Variants in DPYD observed in about 807,000 individuals in gnomAD.
DPYD encodes the protein dihydropyrimidine dehydrogenase [NADP(+)].
A neutral mutation model predicts 116.2 loss-of-function variants in DPYD; 109 were observed. The ratio of observed to expected loss-of-function variants is 0.94; its 90% CI spans 0.80 to 1.10. DPYD has a LOEUF of 1.10. Among genes scored for constraint, DPYD ranks in the 50% least tolerant of loss-of-function variants. The pLI, the probability that DPYD is intolerant of heterozygous loss-of-function variation, is 0.00. For synonymous variants in DPYD, 440 were observed against 432.0 expected (o/e 1.02, Z -0.23); for missense variants, 1,302 against 1,254.5 (o/e 1.04, Z -0.57).
At chr1:97,399,664 A>C (rs1310824578) in intron 14 of DPYD, among the ~76,000 whole-genome samples, 1 of 152,104 alleles carries the variant, frequency 6.6e-6, no homozygotes, top group Non-Finnish European at 1.5e-5. Flanking sequence ...GGTCCTTCAC[A>C]TCCCTTGTAA....
At chr1:97,613,850 C>G (rs1407217265) in intron 8 of DPYD, among the ~76,000 whole-genome samples, 4 of 151,922 alleles carry the variant, frequency 2.6e-5, no homozygotes, top group Non-Finnish European at 5.9e-5. Context: ...ATAAAAGTAG[C>G]AGTTCTACCA....
intron 11 of DPYD, among the ~76,000 whole-genome samples, chr1:97,560,919 C>A (rs1652099227): frequency 6.6e-6 from 1 of 151,950 alleles, no homozygotes; most frequent in East Asian, 1.9e-4. Flanking sequence ...TTCCAAGAAG[C>A]GGGAACAGTG....
At chr1:97,609,301 C>T (rs1199969248) in intron 8 of DPYD, among the ~76,000 whole-genome samples, 2 of 151,956 alleles carry the variant, frequency 1.3e-5, no homozygotes, top group Admixed American at 1.3e-4. Context: ...AATCAGTTTA[C>T]ATTCCAGCCA....
intron 2 of DPYD, among the ~76,000 whole-genome samples, chr1:97,848,919 T>A (rs1359420104): frequency 6.6e-6 from 1 of 152,218 alleles, no homozygotes; most frequent in East Asian, 1.9e-4. Context: ...AAGTAATGAC[T>A]GAAATCTAAA....
At chr1:97,089,320 T>C (rs1649735108) in intron 21 of DPYD, among the ~76,000 whole-genome samples, 1 of 152,176 alleles carries the variant, frequency 6.6e-6, no homozygotes, top group African/African-American at 2.4e-5. Flanking sequence ...GACTCTCAAG[T>C]CTCTGTTATA....
intron 12 of DPYD, among the ~76,000 whole-genome samples, chr1:97,542,699 T>C (rs1394113579): frequency 1.3e-5 from 2 of 152,174 alleles, no homozygotes; most frequent in Non-Finnish European, 2.9e-5. Flanking sequence ...CTCACTTCTT[T>C]ACTAGACAAT....
At chr1:97,730,826 C>G (rs889068686) in intron 4 of DPYD, among the ~76,000 whole-genome samples, 1 of 150,712 alleles carries the variant, frequency 6.6e-6, no homozygotes, top group Non-Finnish European at 1.5e-5. Flanking sequence ...TTTTCTACAT[C>G]GAAACACTAA....
chr1:97,375,029 CAAAA>C (rs35693384), intron 15 of DPYD, among the ~76,000 whole-genome samples: 2 of 116,108 alleles, frequency 1.7e-5, no homozygotes, highest in Non-Finnish European at 3.4e-5. Flanking sequence ...ACTCCAGTTC[CAAAA>C]AAAAAAAAAA....
intron 1 of DPYD, among the ~76,000 whole-genome samples, chr1:97,888,954 C>T (rs1232752186): frequency 6.6e-6 from 1 of 151,988 alleles, no homozygotes; most frequent in Non-Finnish European, 1.5e-5. Flanking sequence ...GTCAGGAGTT[C>T]AAGACCAGCC....
chr1:97,431,924 G>C (rs549683077), intron 14 of DPYD, among the ~76,000 whole-genome samples: 2 of 152,074 alleles, frequency 1.3e-5, no homozygotes, highest in East Asian at 1.9e-4. Flanking sequence ...CATGAGATCA[G>C]TTTTTTATCT....
At chr1:97,641,375 T>C (rs1400701395) in intron 8 of DPYD, among the ~76,000 whole-genome samples, 3 of 152,062 alleles carry the variant, frequency 2.0e-5, no homozygotes, top group Admixed American at 1.3e-4. Context: ...AAGTGACAGA[T>C]CAGATATAAA....
At chr1:97,771,739 C>T (rs1202718122) in intron 3 of DPYD, among the ~76,000 whole-genome samples, 5 of 152,074 alleles carry the variant, frequency 3.3e-5, no homozygotes, top group Admixed American at 3.3e-4. Flanking sequence ...ATAGACAGTA[C>T]GTTAGCCCCA....
At chr1:97,263,317 C>T (rs1332443194) in intron 18 of DPYD, among the ~76,000 whole-genome samples, 1 of 152,050 alleles carries the variant, frequency 6.6e-6, no homozygotes, top group African/African-American at 2.4e-5. Flanking sequence ...AATTCTGTCA[C>T]ATGAAATCAC....
chr1:97,471,171 C>T (rs1161557519), intron 13 of DPYD, among the ~76,000 whole-genome samples: 1 of 152,078 alleles, frequency 6.6e-6, no homozygotes, highest in Non-Finnish European at 1.5e-5. Context: ...TCACTGATGC[C>T]ATTATGTATA....
chr1:97,195,595 TG>T, intron 19 of DPYD, among the ~76,000 whole-genome samples: 1 of 12,798 alleles, frequency 7.8e-5, no homozygotes, highest in East Asian at 0.029. Context: ...TATATATATA[TG>T]TGTGTGTGTG....
intron 3 of DPYD, among the ~76,000 whole-genome samples, chr1:97,778,766 A>G (rs1307551921): frequency 6.6e-6 from 1 of 152,140 alleles, no homozygotes; most frequent in Non-Finnish European, 1.5e-5. Context: ...GTAATACTGA[A>G]AATCAAAAGA....
At chr1:97,158,523 A>ACACT (rs956515247) in intron 20 of DPYD, among the ~76,000 whole-genome samples, 2 of 145,176 alleles carry the variant, frequency 1.4e-5, no homozygotes, top group Non-Finnish European at 1.5e-5. Flanking sequence ...ACACACACAC[A>ACACT]CTCTATCCAA....
At chr1:97,912,597 T>C (rs533790875) in intron 1 of DPYD, among the ~76,000 whole-genome samples, 1 of 152,200 alleles carries the variant, frequency 6.6e-6, no homozygotes, top group African/African-American at 2.4e-5. Context: ...CATCTTTTGA[T>C]TTTAGTTTTT....
intron 2 of DPYD, among the ~76,000 whole-genome samples, chr1:97,869,852 CA>C (rs1489536374): frequency 6.8e-6 from 1 of 146,062 alleles, no homozygotes; most frequent in African/African-American, 2.8e-5. Flanking sequence ...TTTCTGTCTT[CA>C]TTTCTTTCAT....
Sources: allele counts gnomAD v4.1 joint callset (sites outside exome capture counted in the v4.1 genomes callset), GRCh38; gene constraint gnomAD v4.1.1; transcripts MANE v1.5; gene names NCBI Gene and HGNC (gene_info 2026-07-23, HGNC 2026-07-21).